Variants in LRBA observed in about 807,000 individuals in gnomAD.
LRBA encodes lipopolysaccharide-responsive and beige-like anchor protein.
A neutral mutation model predicts 330.0 loss-of-function variants in LRBA; 176 were observed. That is an observed-to-expected ratio of 0.53 (90% confidence interval 0.47 to 0.60). The LOEUF (loss-of-function observed/expected upper bound fraction) is 0.60, where lower values mean the gene tolerates loss of function less well. LRBA is among the 20% of genes least tolerant of loss of function. The probability of loss-of-function intolerance (pLI) is 0.00; values close to 1 mark genes in which losing one functional copy is unlikely to be tolerated. For missense variants in LRBA, 3,259 were observed against 3,444.8 expected, an observed-to-expected ratio of 0.95 and a Z score of 1.35; for synonymous variants, 1,230 against 1,193.0, an observed-to-expected ratio of 1.03 and a Z score of -0.64.
intron 47 of LRBA, among the ~76,000 whole-genome samples, chr4:150,395,262 C>A (rs1744570042): frequency 6.6e-6 from 1 of 152,050 alleles, no homozygotes; most frequent in Non-Finnish European, 1.5e-5. Flanking sequence ...CTGAATTTAT[C>A]TTCCTCAAAG....
chr4:150,682,183 T>C (rs989322606), intron 37 of LRBA, among the ~76,000 whole-genome samples: 7 of 152,168 alleles, frequency 4.6e-5, no homozygotes, highest in African/African-American at 1.4e-4. Flanking sequence ...CAGAGTAATA[T>C]CCTAATTCAT....
At chr4:150,732,373 C>T (rs13145181) in intron 36 of LRBA, among the ~76,000 whole-genome samples, 132,805 of 152,016 alleles carry the variant, frequency 0.87, 58,559 homozygotes, top group Non-Finnish European at 0.95. Context: ...TATGACTATA[C>T]TGCTTTCCCT....
intron 47 of LRBA, among the ~76,000 whole-genome samples, chr4:150,399,789 T>C (rs959095873): frequency 2.6e-5 from 4 of 152,094 alleles, no homozygotes; most frequent in East Asian, 1.9e-4. Flanking sequence ...CTGGCCAATA[T>C]GGTGAAACCC....
At position 150,583,962 on chromosome 4, in the gene LRBA, G is replaced by A. The variant is rs1771755834; in HGVS notation, c.6330+4086C>T. ...TCCTGCTGCAGCTCATCTCCTGCCT[G>A]CAGTGCCGCCGCTGCCCTCACTACT... On this transcript the variant is annotated intron_variant, in intron 40 of 56. Transcript: ENST00000651943. The surrounding 1 kb of genome is among the most constrained non-coding windows in gnomAD (Gnocchi z 9.8). 6.2e-7 allele frequency: 1 copy of A among 1,614,028 alleles called. No homozygotes were observed. The highest frequency in any genetic ancestry group is 8.5e-7 in the Non-Finnish European group (1 of 1,179,954).
intron 36 of LRBA, among the ~76,000 whole-genome samples, chr4:150,690,522 A>G (rs1784032639): frequency 6.6e-6 from 1 of 151,236 alleles, no homozygotes; most frequent in Non-Finnish European, 1.5e-5. Flanking sequence ...AAAAAAGGTA[A>G]TAACAGCAAA....
At position 150,868,305 on chromosome 4, in the gene LRBA, T is replaced by A. The variant is rs1225113989; in HGVS notation, c.2450A>T (p.Gln817Leu). 1 of 1,590,498 alleles carries A rather than the reference T, an allele frequency of 6.3e-7. No homozygotes were observed. The highest frequency in any genetic ancestry group is 8.6e-7 in the Non-Finnish European group (1 of 1,168,310). The change falls in exon 21 of 57, where the codon CAG (glutamine) becomes CTG (leucine). Residue 817 changes from glutamine (Q) to leucine (L), a missense_variant and splice_region_variant. Coordinates refer to ENST00000651943, the MANE Select transcript of LRBA (RefSeq NM_001364905.1). Reference protein sequence around the residue: ...PDSSVKIQNPQILKVIATLLR... With the variant: ...PDSSVKIQNPLILKVIATLLR... ...TAGGGTCGCAATTACTTTTAGTATC[T>A]CTGTAAGACAGTTTATAAATAAGTA... is the stretch of plus-strand genomic sequence containing the variant.
intron 52 of LRBA, among the ~76,000 whole-genome samples, chr4:150,309,078 C>T (rs1010942764): frequency 1.3e-5 from 2 of 152,070 alleles, no homozygotes; most frequent in Non-Finnish European, 2.9e-5. Flanking sequence ...GGGAAGTGCC[C>T]TATACAGGTA....
intron 36 of LRBA, among the ~76,000 whole-genome samples, chr4:150,722,913 A>G (rs1349067376): frequency 3.9e-5 from 6 of 152,064 alleles, no homozygotes; most frequent in African/African-American, 1.4e-4. Flanking sequence ...GGAGAGCTCA[A>G]CGACTGGAGA....
At chr4:150,923,254 G>A (rs1463555712) in intron 4 of LRBA, among the ~76,000 whole-genome samples, 1 of 149,788 alleles carries the variant, frequency 6.7e-6, no homozygotes, top group Non-Finnish European at 1.5e-5. Flanking sequence ...TGGACTATAA[G>A]ATACTTTATC....
chr4:150,341,505 G>T (rs914682190), intron 48 of LRBA, among the ~76,000 whole-genome samples: 2 of 151,808 alleles, frequency 1.3e-5, no homozygotes, highest in African/African-American at 4.8e-5. Context: ...CCTACCACAC[G>T]ATTTTTTCAA....
Position 150,282,506 on chromosome 4 carries a change from T to C in LRBA, c.8260A>G (p.Thr2754Ala). Residue 2754 changes from threonine to alanine, a missense_variant, in exon 55 of 57, where the codon ACA (threonine) becomes GCA (alanine). By Grantham distance (58) the Thr-to-Ala change is moderately conservative. Transcript: ENST00000651943. ...TGGAGTTTTCCATTCACACTGAATG[T>C]ACAGAAGAGGCCGTTTTCATAGAAT... ...VIFYENGLFC[T>A]FSVNGKLQAT... 2 of 1,614,162 alleles carry C rather than the reference T, an allele frequency of 1.2e-6. No homozygotes were observed. The highest frequency in any genetic ancestry group is 1.7e-6 in the Non-Finnish European group (2 of 1,179,992).
chr4:150,559,333 C>T (rs193196195), intron 40 of LRBA, among the ~76,000 whole-genome samples: 1 of 151,076 alleles, frequency 6.6e-6, no homozygotes, highest in African/African-American at 2.4e-5. Context: ...GAGGCCAAGG[C>T]GGGTGGATCA....
chr4:150,312,369 T>C (rs1240801263), intron 51 of LRBA, among the ~76,000 whole-genome samples: 1 of 152,078 alleles, frequency 6.6e-6, no homozygotes, highest in Non-Finnish European at 1.5e-5. Context: ...AATTTTCTAA[T>C]TCCTCAACTT....
intron 40 of LRBA, among the ~76,000 whole-genome samples, chr4:150,584,956 T>C (rs1453151109): frequency 6.6e-6 from 1 of 152,176 alleles, no homozygotes; most frequent in East Asian, 1.9e-4. Flanking sequence ...TACTTCACGC[T>C]TGGGAAAAAA....
In LRBA at chr4:150,529,884, A is replaced by AT. The variant is rs564940917; in HGVS notation, c.6331-38850dup. On this transcript the variant is annotated intron_variant, in intron 40 of 56. Transcript: ENST00000651943. ...ATGTAGCCATCACCTAGACTCAATAATTTTTTTATTCTGTTGATCTTCTTC... is the reference window on the plus strand; with the variant it reads ...ATGTAGCCATCACCTAGACTCAATAATTTTTTTTATTCTGTTGATCTTCTTC... Among the ~76,000 whole-genome samples, 849 of 152,172 alleles carry AT rather than the reference A, an allele frequency of 5.6e-3. 6 individuals carry two copies. Among genetic ancestry groups the AT allele is most frequent in the South Asian group, 0.012 (58 of 4,812 alleles).
At chr4:150,816,811 T>TAAG (rs913710547) in intron 31 of LRBA, among the ~76,000 whole-genome samples, 1 of 151,980 alleles carries the variant, frequency 6.6e-6, no homozygotes, top group Non-Finnish European at 1.5e-5. Context: ...TACATCTTCT[T>TAAG]AAGTGCAGGG....
At chr4:150,639,799 ATATATATG>A (rs1561457649) in intron 37 of LRBA, among the ~76,000 whole-genome samples, 1 of 4,680 alleles carries the variant, frequency 2.1e-4, no homozygotes, top group African/African-American at 6.4e-4. Context: ...GTGTATATAT[ATATATATG>A]TGTGTGTGTG....
At chr4:150,467,964 T>C (rs549724280) in intron 43 of LRBA, among the ~76,000 whole-genome samples, 179 bp from the exon 44 acceptor site, 22 of 152,144 alleles carry the variant, frequency 1.4e-4, no homozygotes, top group African/African-American at 5.3e-4. Context: ...ATCATCTCCA[T>C]TTCACAGATG....
At chr4:150,688,434 A>T (rs886965704) in intron 36 of LRBA, among the ~76,000 whole-genome samples, 1 of 152,228 alleles carries the variant, frequency 6.6e-6, no homozygotes, top group Non-Finnish European at 1.5e-5. Flanking sequence ...CAATGGCAAC[A>T]TAAGTCAAAA....
Sources: gnomAD v4.1 joint callset for allele counts (sites outside exome capture counted in the v4.1 genomes callset) on GRCh38, gnomAD v4.1.1 for gene constraint, Gnocchi (gnomAD v3.1) non-coding constraint, MANE v1.5 for transcripts, NCBI Gene and HGNC (gene_info 2026-07-23, HGNC 2026-07-21) for gene names.